The following SEMA6D variants were observed in gnomAD, a reference collection of about 807,000 sequenced individuals.
SEMA6D encodes the protein semaphorin-6D.
A neutral mutation model predicts 106.6 loss-of-function variants in SEMA6D; 35 were observed. That is an observed-to-expected ratio of 0.33 (90% CI 0.25 to 0.44). SEMA6D has a LOEUF of 0.44. Ranked by LOEUF, SEMA6D falls within the 20% of genes least tolerant of loss-of-function variation. The pLI, the probability that SEMA6D is intolerant of heterozygous loss-of-function variation, is 1.00. For missense variants in SEMA6D, 1,185 were observed against 1,345.9 expected, an observed-to-expected ratio of 0.88 and a Z score of 1.87; for synonymous variants, 499 against 487.7, an observed-to-expected ratio of 1.02 and a Z score of -0.31.
intron 3 of SEMA6D, among the ~76,000 whole-genome samples, chr15:47,499,375 C>G (rs918464265): frequency 6.6e-6 from 1 of 152,082 alleles, no homozygotes; most frequent in Non-Finnish European, 1.5e-5. Flanking sequence ...CATGGCTTAC[C>G]CGCAAAGCCA....
intron 1 of SEMA6D, among the ~76,000 whole-genome samples, chr15:47,253,187 A>G (rs2033616220): frequency 6.6e-6 from 1 of 152,144 alleles, no homozygotes; most frequent in Non-Finnish European, 1.5e-5. Flanking sequence ...GATTTACCTA[A>G]TGATTATTTA....
intron 3 of SEMA6D, among the ~76,000 whole-genome samples, chr15:47,583,984 C>T (rs552578856): frequency 5.3e-5 from 8 of 152,194 alleles, no homozygotes; most frequent in Non-Finnish European, 1.0e-4. Flanking sequence ...CAGCTCACAG[C>T]ACGGATCCCA....
At chr15:47,272,745 A>G (rs1226444462) in intron 1 of SEMA6D, 2 of 152,360 alleles carry the variant, frequency 1.3e-5, no homozygotes, top group Non-Finnish European at 2.9e-5. Context: ...GTGGAGGAGG[A>G]CGAACATCCC....
chr15:47,354,193 CTCTCTCTATA>C (rs1457537167), intron 1 of SEMA6D, among the ~76,000 whole-genome samples: 29 of 15,220 alleles, frequency 1.9e-3, no homozygotes, highest in African/African-American at 5.4e-3. Context: ...CTCTCTCTCT[CTCTCTCTATA>C]TATATATATA....
intron 1 of SEMA6D, among the ~76,000 whole-genome samples, chr15:47,393,048 C>T (rs2040092999): frequency 6.6e-6 from 1 of 152,196 alleles, no homozygotes; most frequent in African/African-American, 2.4e-5. Context: ...CTTCGCCAGT[C>T]CCAAAGAATT....
In SEMA6D at chr15:47,553,401, G is replaced by A. The variant is rs59372848; in HGVS notation, c.-86-47464G>A. On this transcript the variant is annotated intron_variant, in intron 3 of 19. Transcript: ENST00000558014. ...TAAAATTGTTTTCTAAAGTGACGGT[G>A]TCCCAGCAGGATTGCATAAAACACC... 8.9e-3 allele frequency among the ~76,000 whole-genome samples: 1,352 copies of A among 152,220 alleles called. 29 individuals carry two copies. Among genetic ancestry groups the A allele is most frequent in the African/African-American group, 0.031 (1,308 of 41,528 alleles).
intron 1 of SEMA6D, among the ~76,000 whole-genome samples, chr15:47,401,644 A>G (rs1246391557): frequency 1.3e-5 from 2 of 152,158 alleles, no homozygotes; most frequent in Non-Finnish European, 2.9e-5. Context: ...ATGCTGAGGG[A>G]CTTGCAGTTC....
chr15:47,513,239 T>A (rs2044286333), intron 3 of SEMA6D, among the ~76,000 whole-genome samples: 1 of 152,084 alleles, frequency 6.6e-6, no homozygotes, highest in Non-Finnish European at 1.5e-5. Context: ...TTGATTTGTA[T>A]CTGTGATACA....
intron 4 of SEMA6D, among the ~76,000 whole-genome samples, chr15:47,669,691 A>T (rs925837336): frequency 6.6e-6 from 1 of 152,124 alleles, no homozygotes; most frequent in African/African-American, 2.4e-5. Flanking sequence ...CTTCTCCTCC[A>T]TACCTGTATC....
chr15:47,589,644 A>G (rs1034285955), intron 3 of SEMA6D, among the ~76,000 whole-genome samples: 3 of 152,234 alleles, frequency 2.0e-5, no homozygotes, highest in African/African-American at 7.2e-5. Flanking sequence ...TTATTCTTGC[A>G]TACATATTTC....
At chr15:47,282,927 C>T (rs1358684326) in intron 1 of SEMA6D, among the ~76,000 whole-genome samples, 1 of 152,168 alleles carries the variant, frequency 6.6e-6, no homozygotes, top group Non-Finnish European at 1.5e-5. Context: ...ACTTCTCTGA[C>T]TGCTGTGCCC....
At chr15:47,639,238 TC>T (rs1371199530) in intron 4 of SEMA6D, among the ~76,000 whole-genome samples, 1 of 152,130 alleles carries the variant, frequency 6.6e-6, no homozygotes, top group East Asian at 1.9e-4. Context: ...AAGGAAATGC[TC>T]TAAAGAAATA....
At chr15:47,210,602 TA>T (rs2029893785) in intron 1 of SEMA6D, among the ~76,000 whole-genome samples, 1 of 151,664 alleles carries the variant, frequency 6.6e-6, no homozygotes, top group South Asian at 2.1e-4. Flanking sequence ...CCGTCTCTAC[TA>T]AAAATACAAA....
At chr15:47,643,761 G>A (rs894662755) in intron 4 of SEMA6D, among the ~76,000 whole-genome samples, 2 of 152,060 alleles carry the variant, frequency 1.3e-5, no homozygotes, top group East Asian at 1.9e-4. Context: ...TGTGTGTTGG[G>A]AACATTCAAA....
rs1264048669 is a variant in SEMA6D, at chr15:47,281,424, C to G, written c.-239+97006C>G. Among the ~76,000 whole-genome samples the G allele has an allele frequency of 1.0e-4, 15 of 148,284 alleles. No homozygotes were observed. In the East Asian group the frequency reaches 2.6e-3, roughly 26 times the overall value. ...TTTTATTTTGAGCCTATGTGTGTCT[C>G]TGTACGTGAGATGGGTTTCCTGAAT... On this transcript the variant is annotated intron_variant, in intron 1 of 19. Transcript: ENST00000558014.
chr15:47,308,852 C>G (rs2036332036), intron 1 of SEMA6D, among the ~76,000 whole-genome samples: 1 of 152,198 alleles, frequency 6.6e-6, no homozygotes, highest in South Asian at 2.1e-4. Flanking sequence ...AGTGAAGCTA[C>G]TCTAGTTACT....
chr15:47,569,087 T>C (rs780563639), intron 3 of SEMA6D, among the ~76,000 whole-genome samples: 1 of 152,178 alleles, frequency 6.6e-6, no homozygotes, highest in Non-Finnish European at 1.5e-5. Flanking sequence ...TGAAAAGCTT[T>C]AATTTTGATC....
intron 2 of SEMA6D, among the ~76,000 whole-genome samples, chr15:47,432,861 A>G (rs1245979624): frequency 6.6e-6 from 1 of 152,140 alleles, no homozygotes; most frequent in Admixed American, 6.6e-5. Context: ...AGAAGTGTGC[A>G]TTTTTAAGAT....
chr15:47,461,283 C>T lies in SEMA6D; in HGVS notation c.-158-9191C>T, dbSNP rs140902122. ...TTATTCCACATGCAGAAACCTTGCA[C>T]TCTGAAATTGCCTTTATTCATTAGA... On this transcript the variant is annotated intron_variant, in intron 2 of 19. Coordinates refer to the SEMA6D transcript ENST00000558014. Among the ~76,000 whole-genome samples, 18 of 152,172 alleles carry T rather than the reference C, an allele frequency of 1.2e-4. No homozygotes were observed. The East Asian group carries it at 3.5e-3, about 29-fold the overall frequency.
Sources: gnomAD v4.1 joint callset for allele counts (sites outside exome capture counted in the v4.1 genomes callset) on GRCh38, gnomAD v4.1.1 for gene constraint, MANE v1.5 for transcripts, NCBI Gene and HGNC (gene_info 2026-07-23, HGNC 2026-07-21) for gene names.